Variants in PRKAR1B observed in about 807,000 individuals in gnomAD.
PRKAR1B encodes cAMP-dependent protein kinase type I-beta regulatory subunit.
Under a neutral mutation model 46.5 loss-of-function variants are expected in PRKAR1B, and 22 were observed. The ratio of observed to expected loss-of-function variants is 0.47; its 90% confidence interval spans 0.34 to 0.68. PRKAR1B has a LOEUF of 0.68. Ranked by LOEUF, PRKAR1B falls within the 30% of genes least tolerant of loss-of-function variation. The pLI is 0.01. For missense variants in PRKAR1B, 445 were observed against 535.6 expected, an observed-to-expected ratio of 0.83 and a Z score of 1.67; for synonymous variants, 259 against 217.7, an observed-to-expected ratio of 1.19 and a Z score of -1.67.
chr7:577,800 A>T (rs1221621775), intron 9 of PRKAR1B, among the ~76,000 whole-genome samples: 1 of 152,180 alleles, frequency 6.6e-6, no homozygotes, highest in Non-Finnish European at 1.5e-5. Flanking sequence ...CCAGGACAGG[A>T]TTCAAGGGCC....
chr7:663,970 G>A (rs994633279), intron 4 of PRKAR1B, among the ~76,000 whole-genome samples: 18 of 152,304 alleles, frequency 1.2e-4, no homozygotes, highest in African/African-American at 3.6e-4. Context: ...CAAGCCCCCC[G>A]CTGTCTCTGA....
At chr7:683,908 G>A (rs537531865) in intron 2 of PRKAR1B, among the ~76,000 whole-genome samples, 5 of 152,354 alleles carry the variant, frequency 3.3e-5, no homozygotes, top group African/African-American at 1.2e-4. Flanking sequence ...CACTTCTTCT[G>A]CAGCTGATGC....
intron 1 of PRKAR1B, chr7:726,571 G>C (rs1012946280): frequency 3.8e-6 from 2 of 524,336 alleles, no homozygotes; most frequent in Non-Finnish European, 5.6e-6. Flanking sequence ...GACAGCGGGC[G>C]AGCACGACAA....
At chr7:701,392 A>G (rs1157033083) in intron 2 of PRKAR1B, among the ~76,000 whole-genome samples, 1 of 152,178 alleles carries the variant, frequency 6.6e-6, no homozygotes. Flanking sequence ...TTGCGGGAAA[A>G]TATTTTAAAA....
At chr7:552,380 G>A (rs71518311) in intron 9 of PRKAR1B, among the ~76,000 whole-genome samples, 1,512 of 11,830 alleles carry the variant, frequency 0.13, 2 homozygotes, top group Non-Finnish European at 0.14. Flanking sequence ...CCTCCCGCCC[G>A]GGTCCTTCTC....
chr7:575,115 T>A (rs1779742954), intron 9 of PRKAR1B, among the ~76,000 whole-genome samples: 1 of 152,012 alleles, frequency 6.6e-6, no homozygotes, highest in African/African-American at 2.4e-5. Context: ...AGTTCGGGGG[T>A]TGGAGGGGCT....
intron 8 of PRKAR1B, among the ~76,000 whole-genome samples, chr7:581,323 A>G (rs1780175224): frequency 7.9e-6 from 1 of 126,036 alleles, no homozygotes; most frequent in South Asian, 2.3e-4. Context: ...AAAAAAAAAA[A>G]AAGTCTGTAC....
intron 9 of PRKAR1B, among the ~76,000 whole-genome samples, chr7:578,308 C>T (rs933131940): frequency 2.4e-4 from 37 of 152,348 alleles, no homozygotes; most frequent in Non-Finnish European, 4.6e-4. Flanking sequence ...GTGCGGCCAC[C>T]ACGGACTGCG....
intron 4 of PRKAR1B, among the ~76,000 whole-genome samples, chr7:671,184 C>T (rs1583394752): frequency 1.3e-5 from 2 of 152,216 alleles, no homozygotes; most frequent in Non-Finnish European, 1.5e-5. Context: ...TCCGTCCCTC[C>T]GTTGCCTTCA....
chr7:652,750 C>T (rs1185600302), intron 4 of PRKAR1B, among the ~76,000 whole-genome samples: 1 of 152,232 alleles, frequency 6.6e-6, no homozygotes. Flanking sequence ...GAGACAATTC[C>T]CAACCCATTC....
intron 4 of PRKAR1B, among the ~76,000 whole-genome samples, chr7:638,840 G>T (rs1784254701): frequency 6.6e-6 from 1 of 152,204 alleles, no homozygotes; most frequent in African/African-American, 2.4e-5. Context: ...ACTTTGGGAG[G>T]CTGAAGCGGG....
intron 9 of PRKAR1B, among the ~76,000 whole-genome samples, chr7:573,123 G>A (rs568132906): frequency 2.6e-5 from 4 of 152,310 alleles, no homozygotes; most frequent in African/African-American, 7.2e-5. Flanking sequence ...CGTCGGTTCC[G>A]AGCCTCTGAT....
At chr7:711,553 AG>A (rs766080832) in intron 1 of PRKAR1B, 26 bp from the exon 2 acceptor site, 7 of 1,596,296 alleles carry the variant, frequency 4.4e-6, no homozygotes, top group Middle Eastern at 4.2e-4. Flanking sequence ...ACAGATCCCC[AG>A]GCCTGAGAGC....
At chr7:628,968 C>T (rs916811760) in intron 4 of PRKAR1B, among the ~76,000 whole-genome samples, 21 of 152,210 alleles carry the variant, frequency 1.4e-4, no homozygotes, top group African/African-American at 5.1e-4. Flanking sequence ...CGCCAAGGTG[C>T]TTGCAACGTC....
At position 622,693 on chromosome 7, in the gene PRKAR1B, T is replaced by C. The variant is rs1783174294; in HGVS notation, c.441-15241A>G. Among the ~76,000 whole-genome samples the C allele has an allele frequency of 2.0e-5, 3 of 152,166 alleles. 1 individual carries two copies. The South Asian group carries it at 6.2e-4, about 32-fold the overall frequency. On this transcript the variant is annotated intron_variant, in intron 4 of 10. Coordinates refer to ENST00000537384, the MANE Select transcript of PRKAR1B (RefSeq NM_001164760.2). The stretch of plus-strand genomic sequence containing the variant: ...GGCACATATGCACCAACAGTAGGTC[T>C]GCAGAGAATGTGCATATGTGTATTG...
At chr7:604,667 C>T (rs1038004027) in intron 6 of PRKAR1B, among the ~76,000 whole-genome samples, 3 of 152,204 alleles carry the variant, frequency 2.0e-5, no homozygotes, top group East Asian at 3.9e-4. Context: ...AAACACAGCG[C>T]GATGGGGGAC....
At chr7:695,971 T>TC (rs1327023870) in intron 2 of PRKAR1B, among the ~76,000 whole-genome samples, 1 of 146,386 alleles carries the variant, frequency 6.8e-6, no homozygotes, top group Non-Finnish European at 1.5e-5. Flanking sequence ...ACCCTTTTTT[T>TC]TTTTTTTTTT....
rs1785969390 is a variant in PRKAR1B at position 667,038 on chromosome 7, A to G, written c.440+10191T>C. On this transcript the variant is annotated intron_variant, in intron 4 of 10. Coordinates refer to ENST00000537384, the MANE Select transcript of PRKAR1B (RefSeq NM_001164760.2). This position sits in a 1 kb window ranked among gnomAD's most constrained non-coding sequence, Gnocchi z 4.3. The stretch of plus-strand genomic sequence containing the variant: ...GATGGTGGTGGTGATGGTGATGATG[A>G]TAATGATGGTGATGATGACAGTGAT... Among the ~76,000 whole-genome samples the G allele has an allele frequency of 6.6e-6, 1 of 151,964 alleles. No homozygotes were observed. The highest frequency in any genetic ancestry group is 6.6e-5 in the Admixed American group (1 of 15,246).
chr7:574,044 G>C (rs1313281705), intron 9 of PRKAR1B, among the ~76,000 whole-genome samples: 1 of 152,228 alleles, frequency 6.6e-6, no homozygotes, highest in Non-Finnish European at 1.5e-5. Flanking sequence ...GTTCAGGGGT[G>C]AGAACACCGC....
Sources: allele counts gnomAD v4.1 joint callset (sites outside exome capture counted in the v4.1 genomes callset), GRCh38; gene constraint gnomAD v4.1.1; non-coding constraint Gnocchi (gnomAD v3.1); transcripts MANE v1.5; gene names NCBI Gene and HGNC (gene_info 2026-07-23, HGNC 2026-07-21).